Variants in TRIM36 observed in about 807,000 individuals in gnomAD.
TRIM36 encodes the protein E3 ubiquitin-protein ligase TRIM36.
In TRIM36, 42 loss-of-function variants were observed where a neutral mutation model predicts 72.4. That is an observed-to-expected ratio of 0.58 (90% CI 0.45 to 0.75). TRIM36 has a LOEUF of 0.75. Among genes scored for constraint, TRIM36 ranks in the 30% least tolerant of loss-of-function variants. TRIM36 has a pLI of 0.00. For synonymous variants in TRIM36, 315 were observed against 282.8 expected, an observed-to-expected ratio of 1.11 and a Z score of -1.14; for missense variants, 913 against 857.1, an observed-to-expected ratio of 1.07 and a Z score of -0.81.
chr5:115,146,962 T>C lies in TRIM36; in HGVS notation c.588+107A>G, dbSNP rs1753627447. 7.6e-6 allele frequency: 9 copies of C among 1,179,822 alleles called. No homozygotes were observed. In the Middle Eastern group the frequency reaches 8.5e-4, roughly 112 times the overall value. The allele number at this position is 1,179,822 out of a possible 1,614,324, so 73.1% of individuals were successfully genotyped here. A position where few individuals can be genotyped will look rare whatever the true frequency, so the allele number is the denominator to read the frequency against. ...ATACCTGCTTTTAAAGTTATTTCCT[T>C]TCTGTCAAGTTCTAGACTTAATAAT... On this transcript the variant is annotated intron_variant, in intron 3 of 9. Transcript: ENST00000513154.
rs1297568678 is a variant in TRIM36 at position 115,144,632 on chromosome 5, A to G, written c.701T>C (p.Val234Ala). Residue 234 changes from valine to alanine, a missense_variant, in exon 4 of 10, where the codon GTA becomes GCA. Coordinates refer to ENST00000513154, the MANE Select transcript of TRIM36 (RefSeq NM_001300759.2). ...TTTGTAGGCACTGCTCATAGTGGTT[A>G]CACGGTGGTTGGCATGATTACCACC... ...KLGGNHANHR[V>A]TTMSSAYKTL... 1 of 1,614,138 alleles carries G rather than the reference A, an allele frequency of 6.2e-7. No individual in the cohort carries two copies. Among genetic ancestry groups the G allele is most frequent in the Admixed American group, 1.7e-5 (1 of 60,014 alleles).
chr5:115,126,463 T>G lies in TRIM36; in HGVS notation c.*40A>C. The G allele has an allele frequency of 6.5e-7, 1 of 1,534,696 alleles. No homozygotes were observed. Among genetic ancestry groups the G allele is most frequent in the Non-Finnish European group, 8.9e-7 (1 of 1,122,604 alleles). ...GAAGGTTAACGCTAAGGCATTGCTT[T>G]GTTTACAGTTTTTATCCTGAGTCAC... On this transcript the variant is annotated 3_prime_UTR_variant, in exon 10 of 10. Coordinates refer to ENST00000513154, the MANE Select transcript of TRIM36 (RefSeq NM_001300759.2).
chr5:115,169,884 T>G lies in TRIM36; in HGVS notation c.-250A>C, dbSNP rs1755009114. 3 of 1,303,032 alleles carry G rather than the reference T, an allele frequency of 2.3e-6. No individual in the cohort carries two copies. The highest frequency in any genetic ancestry group is 3.1e-5 in the African/African-American group (2 of 64,888). The allele number at this position is 1,303,032 out of a possible 1,614,324, so 80.7% of individuals were successfully genotyped here. A position where few individuals can be genotyped will look rare whatever the true frequency, so the allele number is the denominator to read the frequency against. ...CCGGGAATCCCGCCCAGCTGCCGGC[T>G]GCAGCAGCGGCTCCTGCGGACTGCG... is the stretch of plus-strand genomic sequence containing the variant. On this transcript the variant is annotated 5_prime_UTR_variant, in exon 1 of 10. Coordinates refer to ENST00000513154, the MANE Select transcript of TRIM36 (RefSeq NM_001300759.2).
At chr5:115,141,006 C>A (rs1753246316) in intron 5 of TRIM36, among the ~76,000 whole-genome samples, 2 of 152,060 alleles carry the variant, frequency 1.3e-5, no homozygotes, top group South Asian at 4.1e-4. Flanking sequence ...CTATTAAATA[C>A]TTTTGAGATC....
intron 9 of TRIM36, among the ~76,000 whole-genome samples, chr5:115,127,754 GTATT>G (rs141883996): frequency 6.6e-6 from 1 of 152,268 alleles, no homozygotes; most frequent in Non-Finnish European, 1.5e-5. Context: ...ACTGGCTCAT[GTATT>G]TATTATGCAA....
At chr5:115,143,820 G>T (rs868417072) in intron 4 of TRIM36, among the ~76,000 whole-genome samples, 1 of 152,132 alleles carries the variant, frequency 6.6e-6, no homozygotes, top group South Asian at 2.1e-4. Flanking sequence ...TATGAAATTT[G>T]AAAGTTTTAA....
At chr5:115,178,651 G>A (rs1290611406) in intron 1 of TRIM36, among the ~76,000 whole-genome samples, 4 of 152,206 alleles carry the variant, frequency 2.6e-5, no homozygotes, top group Non-Finnish European at 4.4e-5. Flanking sequence ...GGTGCAGGAT[G>A]GAGTCTGGGC....
chr5:115,150,470 A>G (rs1753830273), intron 2 of TRIM36, among the ~76,000 whole-genome samples: 1 of 152,254 alleles, frequency 6.6e-6, no homozygotes, highest in Non-Finnish European at 1.5e-5. Context: ...TCTATTGCAT[A>G]GTATTGCTCA....
chr5:115,137,443 T>G lies in TRIM36; in HGVS notation c.1005A>C (p.Gly335=). 1 of 1,614,150 alleles carries G rather than the reference T, an allele frequency of 6.2e-7. No individual in the cohort carries two copies. Among genetic ancestry groups the G allele is most frequent in the Non-Finnish European group, 8.5e-7 (1 of 1,180,010 alleles). The change falls in exon 6 of 10, where the codon GGA becomes GGC. Residue 335 remains glycine (G), a synonymous_variant. Transcript: ENST00000513154. The stretch of plus-strand genomic sequence containing the variant: ...GCACTTCTTGAGCATATCCCACAAG[T>G]CCATTGTTCTCTAGAAGTCCCTGGT... ...EEYQGLLENN[G]LVGYAQEVLK... is the part of the protein sequence containing the mutation.
At position 115,134,139 on chromosome 5, in the gene TRIM36, C is replaced by G. The variant is rs147215007; in HGVS notation, c.1219G>C (p.Val407Leu). 3 of 1,560,490 alleles carry G rather than the reference C, an allele frequency of 1.9e-6. No individual in the cohort carries two copies. The African/African-American group carries it at 4.1e-5, about 22-fold the overall frequency. The change falls in exon 8 of 10, where the codon GTG becomes CTG. Residue 407 changes from valine to leucine, a missense_variant. By Grantham distance (32) the Val-to-Leu change is conservative. Coordinates refer to ENST00000513154, the MANE Select transcript of TRIM36 (RefSeq NM_001300759.2). ...CTCTGTTCCTCATTGATCTCTGGCA[C>G]GTCTATGCCTGAAAGAATTATGAAA... ...ELSFFSSGID[V>L]PEINEEQSKV... is the part of the protein sequence containing the mutation.
In TRIM36 at chr5:115,126,867, AATAC is replaced by A; in HGVS notation, c.1797-14_1797-11del. 6.3e-7 allele frequency: 1 copy of A among 1,596,024 alleles called. No homozygotes were observed. The highest frequency in any genetic ancestry group is 2.2e-5 in the East Asian group (1 of 44,674). The stretch of plus-strand genomic sequence containing the variant: ...ACTGTCTTGCTCATATCTGAAACAT[AATAC>A]AAAGCATCTGTATCTTCAACAATAG... On this transcript the variant is annotated splice_polypyrimidine_tract_variant and intron_variant, in intron 9 of 9. Transcript: ENST00000513154.
chr5:115,137,700 T>C, intron 5 of TRIM36, 84 bp from the exon 6 acceptor site: 1 of 1,385,820 alleles, frequency 7.2e-7, no homozygotes, highest in Non-Finnish European at 9.6e-7. Context: ...TTCCACAAAG[T>C]TCTACATAAT....
At chr5:115,146,291 T>C (rs1335384321) in intron 3 of TRIM36, among the ~76,000 whole-genome samples, 1 of 152,194 alleles carries the variant, frequency 6.6e-6, no homozygotes, top group Non-Finnish European at 1.5e-5. Flanking sequence ...AAAACACTTT[T>C]GAGATTTTTT....
At chr5:115,176,695 A>C (rs1376488846) in intron 1 of TRIM36, among the ~76,000 whole-genome samples, 2 of 152,206 alleles carry the variant, frequency 1.3e-5, no homozygotes, top group Non-Finnish European at 2.9e-5. Context: ...GGTGATAAAA[A>C]AATTAGTGAG....
At chr5:115,128,447 G>T (rs1191784453) in intron 9 of TRIM36, among the ~76,000 whole-genome samples, 1 of 151,476 alleles carries the variant, frequency 6.6e-6, no homozygotes, top group Non-Finnish European at 1.5e-5. Flanking sequence ...GAGTTAAAAA[G>T]TTTTTTTAAA....
In TRIM36 at chr5:115,124,880, CAT is replaced by C. The variant is rs1458167084; in HGVS notation, c.*1621_*1622del. The C allele has an allele frequency of 6.6e-6, 1 of 152,522 alleles. No homozygotes were observed. Among genetic ancestry groups the C allele is most frequent in the African/African-American group, 2.4e-5 (1 of 41,434 alleles). The allele number at this position is 152,522 out of a possible 1,614,324, so 9.4% of individuals were successfully genotyped here. On this transcript the variant is annotated 3_prime_UTR_variant, in exon 10 of 10. Transcript: ENST00000513154. ...AAAGCTTCACATTTAAAAATGTCTA[CAT>C]CATATGTGCTTGTACAAGGCTTGAG...
At position 115,137,257 on chromosome 5, in the gene TRIM36, C is replaced by T. The variant is rs1043715877; in HGVS notation, c.1085+106G>A. ...GTTAAGAATGAGGCAAGATGTACCT[C>T]ACATTAACACAGCATTATGGACCAA... On this transcript the variant is annotated intron_variant, in intron 6 of 9. Coordinates refer to ENST00000513154, the MANE Select transcript of TRIM36 (RefSeq NM_001300759.2). The T allele has an allele frequency of 2.6e-5, 38 of 1,487,764 alleles. No individual in the cohort carries two copies. In the East Asian group the frequency reaches 7.6e-4, roughly 30 times the overall value. The allele number at this position is 1,487,764 out of a possible 1,614,324, so 92.2% of individuals were successfully genotyped here.
At chr5:115,140,184 A>G (rs930994250) in intron 5 of TRIM36, among the ~76,000 whole-genome samples, 1 of 152,214 alleles carries the variant, frequency 6.6e-6, no homozygotes, top group Non-Finnish European at 1.5e-5. Flanking sequence ...TGATTTCTCA[A>G]TAATTTCAAC....
chr5:115,146,988 T>G, intron 3 of TRIM36, 81 bp downstream of exon 3: 1 of 1,298,918 alleles, frequency 7.7e-7, no homozygotes, highest in Non-Finnish European at 1.0e-6. Context: ...ACTTAATAAT[T>G]TATTTCGTAA....
Sources: allele counts gnomAD v4.1 joint callset (sites outside exome capture counted in the v4.1 genomes callset), GRCh38; gene constraint gnomAD v4.1.1; transcripts MANE v1.5; gene names NCBI Gene and HGNC (gene_info 2026-07-23, HGNC 2026-07-21).